The following SEPTIN7 variants were observed in gnomAD, a reference collection of about 807,000 sequenced individuals.
The protein encoded by SEPTIN7 is septin 7.
SEPTIN7 carries 10 observed loss-of-function variants against 63.3 expected under a neutral mutation model. The observed-to-expected ratio is 0.16, with a 90% CI of 0.10 to 0.27. SEPTIN7 has a LOEUF of 0.27. Ranked by LOEUF, SEPTIN7 falls within the 10% of genes least tolerant of loss-of-function variation. SEPTIN7 has a pLI of 1.00. For missense variants in SEPTIN7, 310 were observed against 521.0 expected, an observed-to-expected ratio of 0.59 and a Z score of 3.94; for synonymous variants, 131 against 165.3, an observed-to-expected ratio of 0.79 and a Z score of 1.59.
chr7:35,893,764 C>T (rs1352465306), intron 11 of SEPTIN7, among the ~76,000 whole-genome samples: 1 of 151,944 alleles, frequency 6.6e-6, no homozygotes, highest in African/African-American at 2.4e-5. Context: ...CGTCAATAGC[C>T]CTAGAACAAT....
At chr7:35,840,545 T>C (rs1274157274) in intron 3 of SEPTIN7, among the ~76,000 whole-genome samples, 1 of 152,032 alleles carries the variant, frequency 6.6e-6, no homozygotes, top group East Asian at 1.9e-4. Context: ...CCTAGAGTGC[T>C]GGGATTACAG....
At chr7:35,861,666 A>G (rs574569703) in intron 3 of SEPTIN7, among the ~76,000 whole-genome samples, 31 of 152,256 alleles carry the variant, frequency 2.0e-4, no homozygotes, top group Middle Eastern at 6.8e-3. Flanking sequence ...CCAAACATCT[A>G]TTGTGTCCCC....
chr7:35,820,368 T>C (rs1233597900), intron 1 of SEPTIN7, among the ~76,000 whole-genome samples: 1 of 152,102 alleles, frequency 6.6e-6, no homozygotes, highest in Non-Finnish European at 1.5e-5. Context: ...CCCACCCCTT[T>C]TCTCCTTCCC....
At chr7:35,844,601 C>G (rs2116001111) in intron 3 of SEPTIN7, among the ~76,000 whole-genome samples, 1 of 113,486 alleles carries the variant, frequency 8.8e-6, no homozygotes, top group East Asian at 2.4e-4. Context: ...CAAATATTTA[C>G]CTAGTCTTTT....
chr7:35,808,420 A>G (rs1283686306), intron 1 of SEPTIN7, among the ~76,000 whole-genome samples: 2 of 152,172 alleles, frequency 1.3e-5, no homozygotes, highest in Admixed American at 1.3e-4. Flanking sequence ...TCAGTACATA[A>G]AGAGCATTCT....
downstream of SEPTIN7, among the ~76,000 whole-genome samples, chr7:35,911,702 A>C (rs1365925897): frequency 1.3e-5 from 2 of 152,194 alleles, no homozygotes; most frequent in South Asian, 2.1e-4. Flanking sequence ...CCTCAACCTC[A>C]AATGATATGG....
intron 11 of SEPTIN7, among the ~76,000 whole-genome samples, chr7:35,896,464 C>T (rs1787966825): frequency 6.6e-6 from 1 of 152,050 alleles, no homozygotes; most frequent in African/African-American, 2.4e-5. Flanking sequence ...GCTTTGGACC[C>T]TTTCACCGGA....
chr7:35,859,512 T>G (rs912790790), intron 3 of SEPTIN7, among the ~76,000 whole-genome samples: 2 of 152,258 alleles, frequency 1.3e-5, no homozygotes, highest in African/African-American at 2.4e-5. Flanking sequence ...TTCAGTTGAT[T>G]TACAGTTTTC....
At chr7:35,877,003 C>G (rs963643861) in intron 6 of SEPTIN7, among the ~76,000 whole-genome samples, 1 of 152,094 alleles carries the variant, frequency 6.6e-6, no homozygotes, top group African/African-American at 2.4e-5. Flanking sequence ...GGGGTGCACT[C>G]TGTAGTCCTA....
chr7:35,861,096 T>C (rs550013799), intron 3 of SEPTIN7, among the ~76,000 whole-genome samples: 126 of 152,300 alleles, frequency 8.3e-4, no homozygotes, highest in African/African-American at 2.7e-3. Context: ...AGTTCTGCTA[T>C]TGAACCTATA....
intron 3 of SEPTIN7, among the ~76,000 whole-genome samples, chr7:35,836,568 G>C (rs1784092618): frequency 6.6e-6 from 1 of 152,128 alleles, no homozygotes. Context: ...CAGTGGGAGA[G>C]AGCTTAGAAT....
downstream of SEPTIN7, among the ~76,000 whole-genome samples, chr7:35,912,064 G>T (rs542624973): frequency 6.6e-6 from 1 of 152,168 alleles, no homozygotes; most frequent in South Asian, 2.1e-4. Flanking sequence ...GTAGCTCACC[G>T]TGACAAAGCT....
intron 4 of SEPTIN7, among the ~76,000 whole-genome samples, chr7:35,869,719 A>G (rs768296823): frequency 2.6e-5 from 4 of 152,204 alleles, no homozygotes; most frequent in African/African-American, 4.8e-5. Context: ...TACTGTATAC[A>G]CTCAGTATTA....
chr7:35,829,649 C>T (rs1161706312), intron 1 of SEPTIN7, among the ~76,000 whole-genome samples: 1 of 152,206 alleles, frequency 6.6e-6, no homozygotes, highest in Non-Finnish European at 1.5e-5. Flanking sequence ...GTGCAACTTG[C>T]TCTCAGTAGC....
intron 11 of SEPTIN7, among the ~76,000 whole-genome samples, chr7:35,897,184 AT>A (rs561670483): frequency 9.7e-4 from 148 of 152,308 alleles, no homozygotes; most frequent in Non-Finnish European, 1.8e-3. Context: ...AAATTTACCC[AT>A]TTAAAATATA....
chr7:35,806,179 G>A (rs1047266872), intron 1 of SEPTIN7, among the ~76,000 whole-genome samples: 7 of 152,170 alleles, frequency 4.6e-5, no homozygotes, highest in African/African-American at 1.7e-4. Context: ...TGTGGGAGAC[G>A]GGGAAGAAGG....
At chr7:35,811,730 T>G (rs143291522) in intron 1 of SEPTIN7, among the ~76,000 whole-genome samples, 2,128 of 152,006 alleles carry the variant, frequency 0.014, 58 homozygotes, top group African/African-American at 0.048. Flanking sequence ...CTACTAAAAA[T>G]ACAAAAATTA....
intron 11 of SEPTIN7, among the ~76,000 whole-genome samples, chr7:35,897,136 T>G (rs180805652): frequency 3.3e-5 from 5 of 152,294 alleles, no homozygotes; most frequent in African/African-American, 9.6e-5. Context: ...TTTTAAGCCA[T>G]GAGTTAATTT....
chr7:35,879,165 A>G (rs995968486), intron 6 of SEPTIN7, among the ~76,000 whole-genome samples: 1 of 152,192 alleles, frequency 6.6e-6, no homozygotes, highest in Admixed American at 6.5e-5. Flanking sequence ...GCCAGATTGT[A>G]ATGAATAAAA....
Sources: allele counts gnomAD v4.1 joint callset (sites outside exome capture counted in the v4.1 genomes callset), GRCh38; gene constraint gnomAD v4.1.1; transcripts MANE v1.5; gene names NCBI Gene and HGNC (gene_info 2026-07-23, HGNC 2026-07-21).